Variants in CNTN5 observed in about 807,000 individuals in gnomAD.
CNTN5 encodes contactin-5.
CNTN5 carries 77 observed loss-of-function variants against 129.1 expected under a neutral mutation model. The ratio of observed to expected loss-of-function variants is 0.60; its 90% CI spans 0.50 to 0.72. The LOEUF (loss-of-function observed/expected upper bound fraction) is 0.72. Ranked by LOEUF, CNTN5 falls within the 30% of genes least tolerant of loss-of-function variation. The pLI, the probability that CNTN5 is intolerant of heterozygous loss-of-function variation, is 0.00. For missense variants in CNTN5, 1,478 were observed against 1,328.8 expected (o/e 1.11, Z -1.75); for synonymous variants, 509 against 465.6 (o/e 1.09, Z -1.20).
At chr11:99,227,027 A>G (rs1473709600) in intron 1 of CNTN5, among the ~76,000 whole-genome samples, 3 of 152,282 alleles carry the variant, frequency 2.0e-5, no homozygotes, top group East Asian at 1.9e-4. Flanking sequence ...AGAATAATTC[A>G]AGAGATGTTA....
intron 3 of CNTN5, among the ~76,000 whole-genome samples, chr11:99,600,861 G>A (rs961635077): frequency 5.9e-5 from 9 of 152,128 alleles, no homozygotes; most frequent in African/African-American, 2.2e-4. Flanking sequence ...GAAGCTCAAA[G>A]GTATTTTGGG....
chr11:99,819,809 A>G, intron 4 of CNTN5, 44 bp downstream of exon 4: 1 of 1,228,014 alleles, frequency 8.1e-7, no homozygotes. Flanking sequence ...TAAAGGAGGC[A>G]AAGAAGACTT....
intron 1 of CNTN5, among the ~76,000 whole-genome samples, chr11:99,054,733 G>C (rs543100612): frequency 4.5e-4 from 69 of 151,888 alleles, no homozygotes; most frequent in African/African-American, 1.7e-3. Flanking sequence ...ACCATGGTCA[G>C]AGATCCCCAA....
intron 3 of CNTN5, among the ~76,000 whole-genome samples, chr11:99,631,021 T>C (rs1379529082): frequency 6.6e-6 from 1 of 152,170 alleles, no homozygotes; most frequent in Non-Finnish European, 1.5e-5. Context: ...TTATTTGTCC[T>C]GACTAAAAAC....
intron 3 of CNTN5, among the ~76,000 whole-genome samples, chr11:99,662,519 C>T (rs1452065022): frequency 2.0e-5 from 3 of 152,172 alleles, no homozygotes; most frequent in Admixed American, 2.0e-4. Flanking sequence ...AGATTATGCT[C>T]ATTTTCTTCA....
At chr11:99,425,671 G>T (rs377466192) in intron 2 of CNTN5, among the ~76,000 whole-genome samples, 83 of 152,362 alleles carry the variant, frequency 5.4e-4, no homozygotes, top group African/African-American at 1.9e-3. Context: ...CAGACACTTA[G>T]GAGCTTTCAA....
intron 2 of CNTN5, among the ~76,000 whole-genome samples, chr11:99,449,791 C>T (rs767709613): frequency 2.0e-5 from 3 of 152,082 alleles, no homozygotes; most frequent in Non-Finnish European, 4.4e-5. Context: ...ATTCCCCAAG[C>T]GCTTATAAAA....
At chr11:99,862,353 G>A (rs11221686) in intron 6 of CNTN5, among the ~76,000 whole-genome samples, 14,330 of 66,156 alleles carry the variant, frequency 0.22, 1,324 homozygotes, top group East Asian at 0.53. Flanking sequence ...CTTCATCTTC[G>A]CTTATAACAG....
chr11:99,841,306 C>G (rs558557992), intron 4 of CNTN5, among the ~76,000 whole-genome samples: 1 of 152,218 alleles, frequency 6.6e-6, no homozygotes, highest in East Asian at 1.9e-4. Flanking sequence ...TTTACCAAAT[C>G]TTACTTCTCT....
At chr11:99,631,010 G>T (rs1951327848) in intron 3 of CNTN5, among the ~76,000 whole-genome samples, 1 of 152,040 alleles carries the variant, frequency 6.6e-6, no homozygotes, top group Admixed American at 6.6e-5. Flanking sequence ...GTAGAGTTAG[G>T]TTATTTGTCC....
chr11:99,567,537 A>G (rs114481167), intron 3 of CNTN5, among the ~76,000 whole-genome samples: 155 of 152,248 alleles, frequency 1.0e-3, no homozygotes, highest in African/African-American at 2.4e-3. Flanking sequence ...CGTGTGGTAA[A>G]TTGCACAGAA....
At position 100,083,595 on chromosome 11, in the gene CNTN5, A is replaced by G. The variant is rs568919991; in HGVS notation, c.1580+9301A>G. ...GAGAATTAATAACCCAAAATAATGC[A>G]AATTTATTGAATAACAGTGTACTCA... On this transcript the variant is annotated intron_variant, in intron 13 of 24. Transcript: ENST00000524871. Among the ~76,000 whole-genome samples the G allele has an allele frequency of 2.6e-5, 4 of 152,296 alleles. No individual in the cohort carries two copies. In the East Asian group the frequency reaches 7.7e-4, roughly 29 times the overall value.
At chr11:100,184,563 A>G (rs1948238442) in intron 13 of CNTN5, among the ~76,000 whole-genome samples, 3 of 152,160 alleles carry the variant, frequency 2.0e-5, no homozygotes. Context: ...AATTCTGCCA[A>G]CAGGCATGAA....
chr11:100,302,457 T>G (rs146837341), intron 20 of CNTN5, among the ~76,000 whole-genome samples: 27 of 151,734 alleles, frequency 1.8e-4, no homozygotes, highest in African/African-American at 6.5e-4. Flanking sequence ...TTTATCACCT[T>G]GAAATTCCTC....
At chr11:99,203,892 C>G (rs376627978) in intron 1 of CNTN5, among the ~76,000 whole-genome samples, 113 of 152,252 alleles carry the variant, frequency 7.4e-4, no homozygotes, top group African/African-American at 2.6e-3. Flanking sequence ...GCCACCAAGC[C>G]CGGCCTCATA....
intron 18 of CNTN5, among the ~76,000 whole-genome samples, chr11:100,272,303 A>G (rs1324367007): frequency 1.3e-5 from 2 of 152,326 alleles, no homozygotes; most frequent in South Asian, 2.1e-4. Flanking sequence ...ACACACCAGT[A>G]CATAGGTCAG....
rs192715486 is a variant in CNTN5 at position 99,109,399 on chromosome 11, A to G, written c.-210+88129A>G. ...GTACATTTTTTCATATGGTGCTTAC[A>G]GTATATTTGTTAGATAGATATTTTT... On this transcript the variant is annotated intron_variant, in intron 1 of 24. Transcript: ENST00000524871. Among the ~76,000 whole-genome samples, 647 of 152,176 alleles carry G rather than the reference A, an allele frequency of 4.3e-3. 12 individuals are homozygous for G. Among genetic ancestry groups the G allele is most frequent in the Admixed American group, 0.029 (449 of 15,264 alleles).
intron 3 of CNTN5, among the ~76,000 whole-genome samples, chr11:99,798,648 A>G (rs1055803720): frequency 1.3e-5 from 2 of 152,104 alleles, no homozygotes; most frequent in Non-Finnish European, 2.9e-5. Flanking sequence ...CATCAGTACC[A>G]TGGAGCTGTT....
chr11:99,834,825 T>C (rs1208379924), intron 4 of CNTN5, among the ~76,000 whole-genome samples: 3 of 152,120 alleles, frequency 2.0e-5, no homozygotes, highest in Non-Finnish European at 2.9e-5. Flanking sequence ...ATATATATGA[T>C]TTTATAATTT....
Sources: allele counts gnomAD v4.1 joint callset (sites outside exome capture counted in the v4.1 genomes callset), GRCh38; gene constraint gnomAD v4.1.1; transcripts MANE v1.5; gene names NCBI Gene and HGNC (gene_info 2026-07-23, HGNC 2026-07-21).